Variants in TTC23 observed in about 807,000 individuals in gnomAD.
TTC23 encodes tetratricopeptide repeat domain 23.
In TTC23, 58 loss-of-function variants were observed where a neutral mutation model predicts 55.1. The observed-to-expected ratio is 1.05, with a 90% CI of 0.85 to 1.31. The LOEUF (loss-of-function observed/expected upper bound fraction) is 1.31. TTC23 is among the 50% of genes most tolerant of loss of function. TTC23 has a pLI of 0.00. For missense variants in TTC23, 516 were observed against 534.4 expected (o/e 0.97, Z 0.34); for synonymous variants, 203 against 199.9 (o/e 1.02, Z -0.13).
At chr15:99,161,193 C>A (rs2071335232) in intron 11 of TTC23, 1 of 152,050 alleles carries the variant, frequency 6.6e-6, no homozygotes, top group South Asian at 2.1e-4. Flanking sequence ...AATATGTACA[C>A]ACACACACAT....
chr15:99,231,351 C>T (rs187235029), intron 4 of TTC23, among the ~76,000 whole-genome samples: 11 of 152,314 alleles, frequency 7.2e-5, no homozygotes, highest in African/African-American at 2.4e-4. Context: ...AGAAGGTATT[C>T]CATTATCATC....
intron 7 of TTC23, 24 bp downstream of exon 7, chr15:99,218,874 T>G: frequency 6.2e-7 from 1 of 1,604,742 alleles, no homozygotes; most frequent in Non-Finnish European, 8.5e-7. Context: ...TTTCTATTTG[T>G]AAAAGTTAGA....
At chr15:99,202,905 A>G (rs2076314020) in intron 8 of TTC23, among the ~76,000 whole-genome samples, 2 of 152,236 alleles carry the variant, frequency 1.3e-5, no homozygotes, top group Admixed American at 1.3e-4. Flanking sequence ...GAATTGAATA[A>G]GATGTCCGTG....
chr15:99,239,181 C>T (rs1328611186), intron 3 of TTC23, among the ~76,000 whole-genome samples: 3 of 151,996 alleles, frequency 2.0e-5, no homozygotes, highest in African/African-American at 7.2e-5. Flanking sequence ...TCCTGGGTAC[C>T]TCCTAAAAAT....
intron 3 of TTC23, among the ~76,000 whole-genome samples, chr15:99,239,884 G>A (rs1444633577): frequency 6.6e-6 from 1 of 152,206 alleles, no homozygotes; most frequent in African/African-American, 2.4e-5. Flanking sequence ...GTAAGGTACA[G>A]AGGGTAGCTA....
intron 9 of TTC23, among the ~76,000 whole-genome samples, chr15:99,195,819 C>T (rs80088609): frequency 0.018 from 2,670 of 149,168 alleles, 83 homozygotes; most frequent in African/African-American, 0.062. Flanking sequence ...GGGGCAGGGG[C>T]TATATCTTTG....
chr15:99,143,468 G>T (rs1341544731), intron 12 of TTC23, among the ~76,000 whole-genome samples: 1 of 152,180 alleles, frequency 6.6e-6, no homozygotes, highest in Non-Finnish European at 1.5e-5. Flanking sequence ...CTTGACAGTA[G>T]AACATTCTCC....
At chr15:99,237,798 T>C (rs1174133261) in intron 3 of TTC23, among the ~76,000 whole-genome samples, 1 of 152,150 alleles carries the variant, frequency 6.6e-6, no homozygotes, top group Non-Finnish European at 1.5e-5. Context: ...ATGCCCAAAC[T>C]TAGCAAATTG....
At chr15:99,190,689 A>C (rs1297612909) in intron 9 of TTC23, among the ~76,000 whole-genome samples, 1 of 152,212 alleles carries the variant, frequency 6.6e-6, no homozygotes, top group East Asian at 1.9e-4. Flanking sequence ...TCCCATTCCC[A>C]AAGTGCTAAG....
At chr15:99,183,499 T>G in intron 9 of TTC23, among the ~76,000 whole-genome samples, 1 of 30,678 alleles carries the variant, frequency 3.3e-5, no homozygotes, top group South Asian at 6.0e-4. Context: ...TTTTTTGTAT[T>G]TTTTTTTTTT....
chr15:99,168,439 C>T (rs2151913406), intron 10 of TTC23, among the ~76,000 whole-genome samples: 1 of 152,312 alleles, frequency 6.6e-6, no homozygotes, highest in East Asian at 1.9e-4. Flanking sequence ...ACCTCAAGTT[C>T]CTGTTACTTG....
intron 9 of TTC23, among the ~76,000 whole-genome samples, chr15:99,194,773 T>G (rs938614453): frequency 6.6e-6 from 1 of 152,004 alleles, no homozygotes; most frequent in Non-Finnish European, 1.5e-5. Context: ...CCGTCTCTAC[T>G]AAAAATACAA....
chr15:99,182,244 T>TCACACA (rs1345527102), intron 9 of TTC23, among the ~76,000 whole-genome samples: 6 of 102,342 alleles, frequency 5.9e-5, no homozygotes, highest in Admixed American at 1.1e-4. Flanking sequence ...TCTCTCTCTC[T>TCACACA]CTCTCACACA....
At chr15:99,187,378 A>G (rs2074771183) in intron 9 of TTC23, among the ~76,000 whole-genome samples, 1 of 150,254 alleles carries the variant, frequency 6.7e-6, no homozygotes. Context: ...AACTCTTAGA[A>G]GAAAACTCAG....
chr15:99,176,321 C>T (rs1327960760), intron 9 of TTC23, among the ~76,000 whole-genome samples: 1 of 152,086 alleles, frequency 6.6e-6, no homozygotes, highest in East Asian at 1.9e-4. Context: ...TACTAAAATG[C>T]CATGAGTAGG....
At chr15:99,206,369 G>GT (rs1389607266) in intron 8 of TTC23, among the ~76,000 whole-genome samples, 21 of 152,122 alleles carry the variant, frequency 1.4e-4, no homozygotes, top group Admixed American at 4.6e-4. Flanking sequence ...TTCTGAAACA[G>GT]TTTATGTAGG....
chr15:99,137,754 A>G lies in TTC23; in HGVS notation c.*256T>C. 2.0e-6 allele frequency: 1 copy of G among 499,860 alleles called. No homozygotes were observed. The highest frequency in any genetic ancestry group is 3.5e-6 in the Non-Finnish European group (1 of 283,876). 31.0% of individuals were successfully genotyped at this position (499,860 alleles called of 1,614,324 possible). ...TCAGCCACAGTAGTGCTGATGGGTA[A>G]AAATTCTTGTTGGCAAGAAAAACCA... is the stretch of plus-strand genomic sequence containing the variant. On this transcript the variant is annotated 3_prime_UTR_variant, in exon 14 of 14. Coordinates refer to ENST00000394132, the MANE Select transcript of TTC23 (RefSeq NM_001288615.3).
At chr15:99,143,154 T>C (rs1169031275) in intron 12 of TTC23, among the ~76,000 whole-genome samples, 1 of 152,218 alleles carries the variant, frequency 6.6e-6, no homozygotes, top group African/African-American at 2.4e-5. Flanking sequence ...GAAAGAATGG[T>C]CATCCATTAA....
chr15:99,224,981 G>C (rs1219359682), intron 5 of TTC23, among the ~76,000 whole-genome samples: 1 of 152,150 alleles, frequency 6.6e-6, no homozygotes, highest in African/African-American at 2.4e-5. Context: ...TTTGGAGAGA[G>C]AGAAAGAGAA....
Sources: allele counts gnomAD v4.1 joint callset (sites outside exome capture counted in the v4.1 genomes callset), GRCh38; gene constraint gnomAD v4.1.1; transcripts MANE v1.5; gene names NCBI Gene and HGNC (gene_info 2026-07-23, HGNC 2026-07-21).